The following SOX5 variants were observed in gnomAD, a reference collection of about 807,000 sequenced individuals.
SOX5 encodes SRY-box transcription factor 5.
SOX5 carries 9 observed loss-of-function variants against 92.0 expected under a neutral mutation model. The observed-to-expected ratio is 0.10, with a 90% confidence interval of 0.06 to 0.17. The LOEUF (loss-of-function observed/expected upper bound fraction) is 0.17. Ranked by LOEUF, SOX5 falls within the 10% of genes least tolerant of loss-of-function variation. SOX5 has a pLI of 1.00. For synonymous variants in SOX5, 344 were observed against 336.3 expected, an observed-to-expected ratio of 1.02 and a Z score of -0.25; for missense variants, 642 against 944.5, an observed-to-expected ratio of 0.68 and a Z score of 4.20.
At chr12:23,956,553 T>A (rs907169893) in intron 4 of SOX5, among the ~76,000 whole-genome samples, 1 of 152,178 alleles carries the variant, frequency 6.6e-6, no homozygotes, top group African/African-American at 2.4e-5. Context: ...CCACCTCACC[T>A]AACCTCTCCC....
chr12:24,167,948 T>C (rs573094458), intron 4 of SOX5, among the ~76,000 whole-genome samples: 4 of 152,360 alleles, frequency 2.6e-5, no homozygotes, highest in African/African-American at 9.6e-5. Flanking sequence ...CACTGCCATC[T>C]GGCCCCCAAA....
intron 2 of SOX5, among the ~76,000 whole-genome samples, chr12:24,304,087 T>G (rs917963786): frequency 3.9e-5 from 6 of 152,142 alleles, no homozygotes; most frequent in African/African-American, 1.4e-4. Context: ...ATGAATATCT[T>G]AAGAAAGGCT....
At chr12:23,571,025 C>T (rs1948281912) in intron 10 of SOX5, among the ~76,000 whole-genome samples, 1 of 129,862 alleles carries the variant, frequency 7.7e-6, no homozygotes, top group Non-Finnish European at 1.6e-5. Flanking sequence ...GCCTGTAGTC[C>T]TAGCTACTTG....
At chr12:24,420,686 A>C (rs997996728) in intron 1 of SOX5, among the ~76,000 whole-genome samples, 4 of 152,330 alleles carry the variant, frequency 2.6e-5, no homozygotes, top group African/African-American at 9.6e-5. Context: ...AAATTATCAC[A>C]GTTAGTAAAT....
chr12:24,229,168 A>AC (rs1363160592), intron 3 of SOX5, among the ~76,000 whole-genome samples: 1 of 152,194 alleles, frequency 6.6e-6, no homozygotes, highest in Non-Finnish European at 1.5e-5. Context: ...AGCATCAGGC[A>AC]CCGCCGAGTT....
At chr12:24,329,312 C>T (rs1037911799) in intron 2 of SOX5, among the ~76,000 whole-genome samples, 3 of 152,078 alleles carry the variant, frequency 2.0e-5, no homozygotes, top group Admixed American at 6.6e-5. Flanking sequence ...AGGAAACTTA[C>T]AGTCATGATG....
At chr12:24,124,396 C>T (rs1198656133) in intron 4 of SOX5, among the ~76,000 whole-genome samples, 9 of 152,200 alleles carry the variant, frequency 5.9e-5, no homozygotes, top group East Asian at 1.9e-4. Flanking sequence ...AAACCATTCA[C>T]GGAGAAGTTC....
chr12:24,055,237 T>C (rs1957980063), intron 4 of SOX5, among the ~76,000 whole-genome samples: 1 of 152,148 alleles, frequency 6.6e-6, no homozygotes, highest in Non-Finnish European at 1.5e-5. Flanking sequence ...CTGCTTCTAC[T>C]TCCAAAAACT....
At chr12:23,848,567 G>A (rs1407831099) in intron 2 of SOX5, among the ~76,000 whole-genome samples, 2 of 152,128 alleles carry the variant, frequency 1.3e-5, no homozygotes, top group Non-Finnish European at 2.9e-5. Flanking sequence ...TTGTTCATTT[G>A]CATGGTGAAT....
intron 1 of SOX5, among the ~76,000 whole-genome samples, chr12:23,901,007 A>G (rs780986892): frequency 2.0e-5 from 3 of 152,124 alleles, no homozygotes; most frequent in Non-Finnish European, 4.4e-5. Context: ...ATGCTCCCCA[A>G]ACCAAGATGT....
At chr12:23,913,136 G>A (rs568924249) in intron 1 of SOX5, among the ~76,000 whole-genome samples, 7 of 152,026 alleles carry the variant, frequency 4.6e-5, no homozygotes, top group Non-Finnish European at 8.8e-5. Context: ...AGAATTTGGC[G>A]CTAGACTTGC....
intron 3 of SOX5, among the ~76,000 whole-genome samples, chr12:23,817,793 T>A (rs2096025143): frequency 1.3e-5 from 2 of 152,116 alleles, no homozygotes; most frequent in South Asian, 4.1e-4. Flanking sequence ...TCACTCACAC[T>A]CCCATTCACC....
intron 2 of SOX5, among the ~76,000 whole-genome samples, chr12:24,288,837 C>T (rs1292763102): frequency 6.6e-6 from 1 of 151,884 alleles, no homozygotes; most frequent in Non-Finnish European, 1.5e-5. Flanking sequence ...ATTTGGTTCT[C>T]TTTTTACTTG....
chr12:24,106,928 CA>C (rs1337110199), intron 4 of SOX5, among the ~76,000 whole-genome samples: 2 of 151,580 alleles, frequency 1.3e-5, no homozygotes, highest in Admixed American at 6.6e-5. Flanking sequence ...TGGTTTCCAA[CA>C]TCAATGAAAT....
At chr12:23,869,356 C>T (rs2096848890) in intron 2 of SOX5, among the ~76,000 whole-genome samples, 1 of 152,056 alleles carries the variant, frequency 6.6e-6, no homozygotes, top group South Asian at 2.1e-4. Flanking sequence ...AGCTCTTTTC[C>T]CTCACTTTGC....
intron 3 of SOX5, among the ~76,000 whole-genome samples, chr12:23,776,700 C>G (rs548417266): frequency 3.3e-4 from 50 of 152,076 alleles, no homozygotes; most frequent in Admixed American, 5.9e-4. Flanking sequence ...GCATTAGATT[C>G]TCATACAGAG....
At chr12:23,846,531 A>G (rs962670693) in intron 2 of SOX5, among the ~76,000 whole-genome samples, 2 of 152,294 alleles carry the variant, frequency 1.3e-5, no homozygotes, top group African/African-American at 4.8e-5. Context: ...TACGAAGCCT[A>G]TATTATTAGA....
rs1239331054 is a variant in SOX5 at position 23,906,910 on chromosome 12, A to C, written c.39-10886T>G. The stretch of plus-strand genomic sequence containing the variant: ...AGACATATGGTTGCCATATGTATAA[A>C]TTTTAGGTTATAGACAGCCGAATAG... On this transcript the variant is annotated intron_variant, in intron 1 of 14. Transcript: ENST00000451604. 2.0e-5 allele frequency among the ~76,000 whole-genome samples: 3 copies of C among 151,074 alleles called. No homozygotes were observed. In the East Asian group the frequency reaches 6.0e-4, roughly 30 times the overall value.
chr12:24,468,171 C>G (rs1944425131), intron 1 of SOX5, among the ~76,000 whole-genome samples: 1 of 152,144 alleles, frequency 6.6e-6, no homozygotes, highest in Non-Finnish European at 1.5e-5. Flanking sequence ...CATGGGCCTT[C>G]CAGGGTTCTG....
Sources: gnomAD v4.1 joint callset for allele counts (sites outside exome capture counted in the v4.1 genomes callset) on GRCh38, gnomAD v4.1.1 for gene constraint, MANE v1.5 for transcripts, NCBI Gene and HGNC (gene_info 2026-07-23, HGNC 2026-07-21) for gene names.